SH3RF1: variants seen among roughly 807,000 people sequenced by gnomAD.
SH3RF1 encodes SH3 domain containing ring finger 1, also known as E3 ubiquitin-protein ligase SH3RF1.
A neutral mutation model predicts 74.0 loss-of-function variants in SH3RF1; 32 were observed. That is an observed-to-expected ratio of 0.43 (90% CI 0.33 to 0.58). The LOEUF (loss-of-function observed/expected upper bound fraction) is 0.58, where lower values mean the gene tolerates loss of function less well. Ranked by LOEUF, SH3RF1 falls within the 20% of genes least tolerant of loss-of-function variation. The pLI, the probability that SH3RF1 is intolerant of heterozygous loss-of-function variation, is 0.05. For synonymous variants in SH3RF1, 396 were observed against 439.6 expected, an observed-to-expected ratio of 0.90 and a Z score of 1.24; for missense variants, 954 against 1,130.9, an observed-to-expected ratio of 0.84 and a Z score of 2.24.
rs117015368 is a variant in SH3RF1 at position 169,101,102 on chromosome 4, G to A, written c.2499-4415C>T. ...CAATGTATTATTACCATCTGTGTCC[G>A]TCTCGTTTATTCTACCAAACCATAA... On this transcript the variant is annotated intron_variant, in intron 11 of 11. Coordinates refer to ENST00000284637, the MANE Select transcript of SH3RF1 (RefSeq NM_020870.4). Among the ~76,000 whole-genome samples the A allele has an allele frequency of 5.8e-4, 88 of 152,304 alleles. 1 individual carries two copies. The East Asian group carries it at 0.013, about 23-fold the overall frequency.
At chr4:169,262,970 C>T (rs973872838) in intron 2 of SH3RF1, among the ~76,000 whole-genome samples, 2 of 152,046 alleles carry the variant, frequency 1.3e-5, no homozygotes, top group African/African-American at 2.4e-5. Flanking sequence ...AAGCATGCAA[C>T]AAACATGGTT....
intron 2 of SH3RF1, among the ~76,000 whole-genome samples, chr4:169,170,032 A>G (rs1734300799): frequency 6.6e-6 from 1 of 152,136 alleles, no homozygotes; most frequent in Non-Finnish European, 1.5e-5. Context: ...AATTTTATCA[A>G]TAGATAGATT....
At chr4:169,236,947 G>A (rs543751195) in intron 2 of SH3RF1, among the ~76,000 whole-genome samples, 3 of 152,162 alleles carry the variant, frequency 2.0e-5, no homozygotes, top group African/African-American at 7.2e-5. Flanking sequence ...GAAGAGAGAC[G>A]ATTGTATTTA....
At chr4:169,102,329 T>C (rs1245057552) in intron 11 of SH3RF1, among the ~76,000 whole-genome samples, 1 of 152,182 alleles carries the variant, frequency 6.6e-6, no homozygotes, top group Non-Finnish European at 1.5e-5. Flanking sequence ...TCTGTAAATC[T>C]ATCTCTATCC....
At chr4:169,132,988 C>T (rs184607176) in intron 5 of SH3RF1, among the ~76,000 whole-genome samples, 18 of 152,296 alleles carry the variant, frequency 1.2e-4, no homozygotes, top group Admixed American at 3.3e-4. Flanking sequence ...TCAGCCATCA[C>T]TCAATAGTCA....
At position 169,128,450 on chromosome 4, in the gene SH3RF1, A is replaced by G. The variant is rs7677135; in HGVS notation, c.1179+1596T>C. ...AACGAAAATAAAACAAACAAACAAAAAACACCTTTAACCTCTAGCTACAAC... is the reference window on the plus strand; with the variant it reads ...AACGAAAATAAAACAAACAAACAAAGAACACCTTTAACCTCTAGCTACAAC... On this transcript the variant is annotated intron_variant, in intron 6 of 11. Transcript: ENST00000284637. Among the ~76,000 whole-genome samples, 1,239 of 152,324 alleles carry G rather than the reference A, an allele frequency of 8.1e-3. 23 individuals carry two copies. The highest frequency in any genetic ancestry group is 0.028 in the African/African-American group (1,182 of 41,572).
In SH3RF1 at chr4:169,145,684, G is replaced by A. The variant is rs191411513; in HGVS notation, c.766-9064C>T. Among the ~76,000 whole-genome samples the A allele has an allele frequency of 5.0e-3, 689 of 138,604 alleles. 6 individuals are homozygous for A. The highest frequency in any genetic ancestry group is 0.011 in the African/African-American group (437 of 38,354). The allele number at this position is 138,604 out of a possible 152,430, so 90.9% of individuals were successfully genotyped here. A position where few individuals can be genotyped will look rare whatever the true frequency, so the allele number is the denominator to read the frequency against. ...AGGCTGGTCTCGAACTCCTGACCTCGTGATCCACCTGCCTCAGCCTCCCAA... is the reference window on the plus strand; with the variant it reads ...AGGCTGGTCTCGAACTCCTGACCTCATGATCCACCTGCCTCAGCCTCCCAA... On this transcript the variant is annotated intron_variant, in intron 4 of 11. Coordinates refer to ENST00000284637, the MANE Select transcript of SH3RF1 (RefSeq NM_020870.4).
intron 10 of SH3RF1, among the ~76,000 whole-genome samples, chr4:169,115,441 C>A (rs553871647): frequency 6.6e-6 from 1 of 152,266 alleles, no homozygotes; most frequent in South Asian, 2.1e-4. Flanking sequence ...GGAGCATGAA[C>A]CCTATTGTGA....
chr4:169,105,515 T>C (rs1733118022), intron 11 of SH3RF1, among the ~76,000 whole-genome samples: 2 of 152,174 alleles, frequency 1.3e-5, no homozygotes, highest in African/African-American at 4.8e-5. Context: ...TTACTCTGAG[T>C]GTAACTGAAT....
At chr4:169,112,626 A>AG (rs1733260562) in intron 10 of SH3RF1, among the ~76,000 whole-genome samples, 1 of 152,236 alleles carries the variant, frequency 6.6e-6, no homozygotes, top group Non-Finnish European at 1.5e-5. Flanking sequence ...GTGATCTCCC[A>AG]GGGAGCAGCC....
intron 2 of SH3RF1, among the ~76,000 whole-genome samples, chr4:169,238,170 C>T (rs1223976731): frequency 6.6e-6 from 1 of 152,210 alleles, no homozygotes. Context: ...TTCAATAAAG[C>T]TTTACTTACC....
At chr4:169,153,462 T>G (rs1306796214) in intron 4 of SH3RF1, among the ~76,000 whole-genome samples, 1 of 152,212 alleles carries the variant, frequency 6.6e-6, no homozygotes, top group Non-Finnish European at 1.5e-5. Flanking sequence ...CAAATATGAA[T>G]AGGTTTACAG....
In SH3RF1 at chr4:169,098,974, C is replaced by T. The variant is rs148038196; in HGVS notation, c.2499-2287G>A. 9.6e-4 allele frequency among the ~76,000 whole-genome samples: 146 copies of T among 152,322 alleles called. 1 individual carries two copies. The highest frequency in any genetic ancestry group is 1.5e-3 in the Non-Finnish European group (105 of 68,028). On this transcript the variant is annotated intron_variant, in intron 11 of 11. Coordinates refer to ENST00000284637, the MANE Select transcript of SH3RF1 (RefSeq NM_020870.4). Reference sequence around the variant, plus strand: ...GCACTTCAAGGAGGTGAAGAATGGGCCAGTCAGTGGCTGGACATCTCTAAC... The same window carrying T: ...GCACTTCAAGGAGGTGAAGAATGGGTCAGTCAGTGGCTGGACATCTCTAAC...
intron 4 of SH3RF1, among the ~76,000 whole-genome samples, chr4:169,148,418 T>C (rs1055787370): frequency 1.3e-5 from 2 of 152,208 alleles, no homozygotes; most frequent in Non-Finnish European, 2.9e-5. Context: ...ACTACAATTA[T>C]ATGGCGAGAG....
At chr4:169,106,288 T>A (rs139566971) in intron 11 of SH3RF1, among the ~76,000 whole-genome samples, 1 of 151,762 alleles carries the variant, frequency 6.6e-6, no homozygotes, top group Non-Finnish European at 1.5e-5. Flanking sequence ...CTTTGTATTT[T>A]AGTAGAGACA....
rs1454771083 is a variant in SH3RF1 at position 169,096,010 on chromosome 4, T to C, written c.*509A>G. On this transcript the variant is annotated 3_prime_UTR_variant, in exon 12 of 12. Transcript: ENST00000284637. ...ATTTCTATCTTAAAGAAGCAAAACA[T>C]AACCCCAAAATATAATGGTAGCAGG... 6.6e-6 allele frequency: 1 copy of C among 152,250 alleles called. No homozygotes were observed. The highest frequency in any genetic ancestry group is 1.5e-5 in the Non-Finnish European group (1 of 68,064). 9.4% of individuals were successfully genotyped at this position (152,250 alleles called of 1,614,324 possible). A position where few individuals can be genotyped will look rare whatever the true frequency, so the allele number is the denominator to read the frequency against.
chr4:169,129,846 A>T (rs1733583453), intron 6 of SH3RF1, among the ~76,000 whole-genome samples, 200 bp downstream of exon 6: 1 of 152,250 alleles, frequency 6.6e-6, no homozygotes, highest in Admixed American at 6.5e-5. Flanking sequence ...ACTGATCCTC[A>T]CTGTTAAAAA....
At position 169,269,230 on chromosome 4, in the gene SH3RF1, A is replaced by T; in HGVS notation, c.-18T>A. 6.5e-7 allele frequency: 1 copy of T among 1,537,406 alleles called. No individual in the cohort carries two copies. The highest frequency in any genetic ancestry group is 1.2e-5 in the South Asian group (1 of 80,108). On this transcript the variant is annotated 5_prime_UTR_variant, in exon 2 of 12. Transcript: ENST00000284637. ...TCATCCATCTTTATCTACTTTACTG[A>T]GAAAAAATCTTCAGAAATGTTCATA...
At chr4:169,126,148 G>T (rs573838149) in intron 6 of SH3RF1, among the ~76,000 whole-genome samples, 1 of 152,328 alleles carries the variant, frequency 6.6e-6, no homozygotes, top group Admixed American at 6.5e-5. Flanking sequence ...AGATTGTGAA[G>T]TCAGGGACTG....
Sources: gnomAD v4.1 joint callset for allele counts (sites outside exome capture counted in the v4.1 genomes callset) on GRCh38, gnomAD v4.1.1 for gene constraint, MANE v1.5 for transcripts, NCBI Gene and HGNC (gene_info 2026-07-23, HGNC 2026-07-21) for gene names.